Variants in LSAMP observed in about 807,000 individuals in gnomAD.
LSAMP encodes limbic system associated membrane protein.
In LSAMP, 7 loss-of-function variants were observed where a neutral mutation model predicts 38.6. The observed-to-expected ratio is 0.18, with a 90% CI of 0.10 to 0.34. The LOEUF is 0.34. Ranked by LOEUF, LSAMP falls within the 10% of genes least tolerant of loss-of-function variation. The pLI is 1.00. For missense variants in LSAMP, 313 were observed against 420.0 expected, an observed-to-expected ratio of 0.75 and a Z score of 2.23; for synonymous variants, 154 against 166.8, an observed-to-expected ratio of 0.92 and a Z score of 0.59.
At chr3:115,891,158 T>C (rs777764150) in intron 3 of LSAMP, among the ~76,000 whole-genome samples, 6 of 151,970 alleles carry the variant, frequency 3.9e-5, no homozygotes, top group African/African-American at 7.2e-5. Context: ...GGATACCTCA[T>C]TGTTGTGACA....
At chr3:115,921,494 C>A (rs553451394) in intron 3 of LSAMP, among the ~76,000 whole-genome samples, 1 of 152,078 alleles carries the variant, frequency 6.6e-6, no homozygotes, top group East Asian at 1.9e-4. Flanking sequence ...AAATTATATC[C>A]TTTTATAGCA....
intron 3 of LSAMP, 134 bp from the exon 4 acceptor site, chr3:115,852,751 A>G (rs751747711): frequency 1.3e-4 from 113 of 877,852 alleles, no homozygotes; most frequent in Non-Finnish European, 1.8e-4. Context: ...CTGACATCAG[A>G]TTCCACAGAA....
chr3:115,884,506 C>T (rs1220478983), intron 3 of LSAMP, among the ~76,000 whole-genome samples: 1 of 151,938 alleles, frequency 6.6e-6, no homozygotes, highest in East Asian at 1.9e-4. Context: ...GTTGGATTGG[C>T]AATTAGTAAA....
chr3:116,372,670 G>T (rs1576171428), intron 1 of LSAMP, among the ~76,000 whole-genome samples: 3 of 147,824 alleles, frequency 2.0e-5, no homozygotes, highest in South Asian at 4.4e-4. Flanking sequence ...ATCATAAAAA[G>T]AATATTCAGA....
intron 1 of LSAMP, among the ~76,000 whole-genome samples, chr3:116,171,650 C>G (rs79986107): frequency 1.8e-4 from 27 of 152,128 alleles, no homozygotes; most frequent in African/African-American, 6.5e-4. Flanking sequence ...TTATTTTGGC[C>G]TTGAGTCATC....
At position 116,353,852 on chromosome 3, in the gene LSAMP, G is replaced by A. The variant is rs146454664; in HGVS notation, c.155+91025C>T. Among the ~76,000 whole-genome samples, 1,287 of 152,104 alleles carry A rather than the reference G, an allele frequency of 8.5e-3. 9 individuals are homozygous for A. The highest frequency in any genetic ancestry group is 0.011 in the Non-Finnish European group (771 of 67,976). ...TATTAACCTACTTCAGGAAATAGTC[G>A]TTTGTATGTGTTAACTTAATGATTC... is the stretch of plus-strand genomic sequence containing the variant. On this transcript the variant is annotated intron_variant, in intron 1 of 6. Transcript: ENST00000490035.
intron 3 of LSAMP, among the ~76,000 whole-genome samples, chr3:115,886,948 C>T (rs78548301): frequency 0.033 from 4,958 of 152,026 alleles, 259 homozygotes; most frequent in African/African-American, 0.11. Flanking sequence ...CTTGGATAAA[C>T]ATGCTCAACT....
At chr3:116,239,329 C>G (rs1333505513) in intron 1 of LSAMP, among the ~76,000 whole-genome samples, 1 of 152,064 alleles carries the variant, frequency 6.6e-6, no homozygotes, top group Non-Finnish European at 1.5e-5. Context: ...AAAGTGGCTT[C>G]CTGACTCACG....
chr3:116,204,227 C>A (rs530397412), intron 1 of LSAMP, among the ~76,000 whole-genome samples: 2 of 151,002 alleles, frequency 1.3e-5, no homozygotes, highest in East Asian at 2.0e-4. Context: ...TCATGTCCTT[C>A]GCCCACTTTT....
chr3:116,103,193 C>G (rs2107453803), intron 1 of LSAMP, among the ~76,000 whole-genome samples: 1 of 152,108 alleles, frequency 6.6e-6, no homozygotes, highest in African/African-American at 2.4e-5. Flanking sequence ...AGACTGGGCA[C>G]AGTGGCTCAC....
At chr3:116,150,276 A>G (rs1478334366) in intron 1 of LSAMP, among the ~76,000 whole-genome samples, 1 of 152,020 alleles carries the variant, frequency 6.6e-6, no homozygotes, top group Non-Finnish European at 1.5e-5. Context: ...TTTAATTCAT[A>G]AAGTGGAAGT....
intron 1 of LSAMP, among the ~76,000 whole-genome samples, chr3:116,295,255 G>T (rs1183892007): frequency 1.3e-5 from 2 of 152,166 alleles, no homozygotes; most frequent in Admixed American, 6.5e-5. Context: ...GTAAGGATGA[G>T]GGGAGCCTCT....
intron 3 of LSAMP, among the ~76,000 whole-genome samples, chr3:115,950,939 A>G (rs1383556367): frequency 1.3e-5 from 2 of 152,114 alleles, no homozygotes; most frequent in African/African-American, 4.8e-5. Context: ...AAAATGGAAA[A>G]CCCAAGATAA....
chr3:116,327,815 A>C (rs994928832), intron 1 of LSAMP, among the ~76,000 whole-genome samples: 1 of 152,152 alleles, frequency 6.6e-6, no homozygotes, highest in Non-Finnish European at 1.5e-5. Flanking sequence ...ATCTTGAAAA[A>C]ATTTTAACAA....
intron 1 of LSAMP, among the ~76,000 whole-genome samples, chr3:116,114,436 A>G (rs1311243875): frequency 6.6e-6 from 1 of 152,184 alleles, no homozygotes; most frequent in Non-Finnish European, 1.5e-5. Flanking sequence ...TTTGTGTTGT[A>G]TAAGGAACAA....
At chr3:116,195,008 C>T (rs1369524710) in intron 1 of LSAMP, among the ~76,000 whole-genome samples, 1 of 152,210 alleles carries the variant, frequency 6.6e-6, no homozygotes, top group African/African-American at 2.4e-5. Context: ...GGCTGTATTT[C>T]CCAGGATCCC....
At chr3:116,063,877 A>C (rs1941637841) in intron 2 of LSAMP, among the ~76,000 whole-genome samples, 1 of 152,240 alleles carries the variant, frequency 6.6e-6, no homozygotes, top group Non-Finnish European at 1.5e-5. Context: ...GTTGCGTCTA[A>C]ACCAGTTTCC....
chr3:115,968,327 G>C lies in LSAMP; in HGVS notation c.514+51188C>G, dbSNP rs72957738. ...ACACCTGAAGTGAGCTCGCCTGTGAGTCACAACCAAGGTCCACGGCAATTA... is the reference window on the plus strand; with the variant it reads ...ACACCTGAAGTGAGCTCGCCTGTGACTCACAACCAAGGTCCACGGCAATTA... On this transcript the variant is annotated intron_variant, in intron 3 of 6. Transcript: ENST00000490035. 1.3e-5 allele frequency among the ~76,000 whole-genome samples: 2 copies of C among 152,058 alleles called. 1 individual carries two copies. The highest frequency in any genetic ancestry group is 2.9e-5 in the Non-Finnish European group (2 of 68,032).
Position 115,803,061 on chromosome 3 carries a change from G to C in LSAMP, c.*7256C>G, listed in dbSNP as rs1332075247. The C allele has an allele frequency of 6.6e-6, 1 of 152,152 alleles. No homozygotes were observed. The highest frequency in any genetic ancestry group is 1.5e-5 in the Non-Finnish European group (1 of 68,066). The allele number at this position is 152,152 out of a possible 1,614,324, so 9.4% of individuals were successfully genotyped here. Reference sequence around the variant, plus strand: ...TGCCATGAAGCTAGGACTTCCATGGGTTTTCTTCACTTGCAAGAAGCATAT... The same window carrying C: ...TGCCATGAAGCTAGGACTTCCATGGCTTTTCTTCACTTGCAAGAAGCATAT... On this transcript the variant is annotated 3_prime_UTR_variant, in exon 7 of 7. Transcript: ENST00000490035.
Sources: allele counts gnomAD v4.1 joint callset (sites outside exome capture counted in the v4.1 genomes callset), GRCh38; gene constraint gnomAD v4.1.1; transcripts MANE v1.5; gene names NCBI Gene and HGNC (gene_info 2026-07-23, HGNC 2026-07-21).